Variants in ADA observed in about 807,000 individuals in gnomAD.
ADA encodes the protein adenosine aminohydrolase.
In ADA, 45 loss-of-function variants were observed where a neutral mutation model predicts 49.0. That is an observed-to-expected ratio of 0.92 (90% CI 0.72 to 1.18). ADA has a LOEUF of 1.18. Among genes scored for constraint, ADA ranks in the 50% most tolerant of loss-of-function variants. The pLI is 0.00. For synonymous variants in ADA, 173 were observed against 184.2 expected (o/e 0.94, Z 0.49); for missense variants, 445 against 472.5 (o/e 0.94, Z 0.54).
rs758363542 is a variant in ADA, at chr20:44,619,822, G to A, written c.*12C>T. ...TGACTCCACAGGGTGAAGGCTTGGA[G>A]GAGTGGCGTCTTCAGAGGTTCTGCC... On this transcript the variant is annotated 3_prime_UTR_variant, in exon 12 of 12. Coordinates refer to ENST00000372874, the MANE Select transcript of ADA (RefSeq NM_000022.4). 1.2e-6 allele frequency: 2 copies of A among 1,614,190 alleles called. No individual in the cohort carries two copies. The highest frequency in any genetic ancestry group is 1.7e-6 in the Non-Finnish European group (2 of 1,180,020).
chr20:44,632,276 C>A (rs1236982181), intron 2 of ADA, among the ~76,000 whole-genome samples: 2 of 152,160 alleles, frequency 1.3e-5, no homozygotes, highest in Non-Finnish European at 2.9e-5. Flanking sequence ...AGAGAGCAGG[C>A]ATTTGTGCAG....
At chr20:44,635,321 G>A (rs746139920) in intron 2 of ADA, among the ~76,000 whole-genome samples, 5 of 152,144 alleles carry the variant, frequency 3.3e-5, no homozygotes, top group Admixed American at 1.3e-4. Flanking sequence ...CCACTTTTCC[G>A]TGACTCCTAG....
chr20:44,644,602 G>A (rs1038205325), intron 1 of ADA, among the ~76,000 whole-genome samples: 5 of 152,234 alleles, frequency 3.3e-5, no homozygotes, highest in South Asian at 2.1e-4. Flanking sequence ...TGCTTTTGGT[G>A]ATGAGCTGGG....
intron 2 of ADA, among the ~76,000 whole-genome samples, chr20:44,630,367 A>AGAAATGCT (rs2065422817): frequency 6.6e-6 from 1 of 152,020 alleles, no homozygotes; most frequent in Non-Finnish European, 1.5e-5. Flanking sequence ...GAAAAAAAAA[A>AGAAATGCT]GAAATGCTTC....
At chr20:44,650,326 C>T (rs2065632454) in intron 1 of ADA, among the ~76,000 whole-genome samples, 2 of 152,246 alleles carry the variant, frequency 1.3e-5, no homozygotes, top group South Asian at 2.1e-4. Context: ...GTGGGCTCTC[C>T]ACAGCCTGTC....
rs78729933 is a variant in ADA, at chr20:44,623,533, T to C, written c.607-455A>G. ...GTCGGCTCCAACTCAGTCATCCCAA[T>C]AGAAGAAACAGAGGCCCAGAGAAGA... On this transcript the variant is annotated intron_variant, in intron 6 of 11. Coordinates refer to ENST00000372874, the MANE Select transcript of ADA (RefSeq NM_000022.4). 2.2e-3 allele frequency among the ~76,000 whole-genome samples: 334 copies of C among 152,252 alleles called. 1 individual carries two copies. The highest frequency in any genetic ancestry group is 7.5e-3 in the African/African-American group (313 of 41,556).
chr20:44,638,558 CAA>C (rs928538134), intron 1 of ADA, among the ~76,000 whole-genome samples: 2 of 152,140 alleles, frequency 1.3e-5, no homozygotes, highest in Non-Finnish European at 1.5e-5. Flanking sequence ...GCCTGGGCGA[CAA>C]GAGCGAAACT....
chr20:44,636,320 A>T (rs1288798243), intron 1 of ADA, 32 bp from the exon 2 acceptor site: 1 of 1,538,566 alleles, frequency 6.5e-7, no homozygotes, highest in East Asian at 2.3e-5. Context: ...AGAGAGAGAA[A>T]GGGAGAGAGA....
chr20:44,620,733 G>A (rs1600916086), intron 10 of ADA: 1 of 563,972 alleles, frequency 1.8e-6, no homozygotes, highest in East Asian at 3.2e-5. Flanking sequence ...AAGAGAGTGT[G>A]CAAGACTTCA....
chr20:44,647,224 C>T (rs1361630085), intron 1 of ADA, among the ~76,000 whole-genome samples: 3 of 151,948 alleles, frequency 2.0e-5, no homozygotes. Flanking sequence ...CACCTGAAGT[C>T]GGGAGTTCGA....
chr20:44,638,962 C>T (rs749797046), intron 1 of ADA, among the ~76,000 whole-genome samples: 10 of 151,936 alleles, frequency 6.6e-5, no homozygotes, highest in Admixed American at 3.3e-4. Flanking sequence ...CAGGAGAAAA[C>T]GGGGTATATG....
intron 9 of ADA, 151 bp from the exon 10 acceptor site, chr20:44,621,298 G>A: frequency 9.4e-7 from 1 of 1,062,636 alleles, no homozygotes; most frequent in Non-Finnish European, 1.4e-6. Context: ...AATAAATTCA[G>A]AACTTAGGTG....
At chr20:44,634,391 G>A (rs184890326) in intron 2 of ADA, among the ~76,000 whole-genome samples, 3 of 152,288 alleles carry the variant, frequency 2.0e-5, no homozygotes, top group Admixed American at 2.0e-4. Context: ...AGCATTTTAC[G>A]GGCGTCACTT....
intron 9 of ADA, 141 bp downstream of exon 9, chr20:44,622,447 C>T (rs553042827): frequency 2.2e-5 from 22 of 1,016,056 alleles, no homozygotes; most frequent in East Asian, 7.8e-5. Flanking sequence ...AAGATGAGGA[C>T]GGCAATGCCT....
At chr20:44,644,448 C>A (rs2065569716) in intron 1 of ADA, among the ~76,000 whole-genome samples, 1 of 152,148 alleles carries the variant, frequency 6.6e-6, no homozygotes, top group Non-Finnish European at 1.5e-5. Flanking sequence ...GGCTGACCTG[C>A]CCCCATGGGA....
At chr20:44,626,381 G>T in intron 4 of ADA, 75 bp downstream of exon 4, 1 of 1,604,344 alleles carries the variant, frequency 6.2e-7, no homozygotes, top group Non-Finnish European at 8.5e-7. Flanking sequence ...ATTCCCAGCA[G>T]TTCGCCCTTC....
chr20:44,625,547 G>A, intron 5 of ADA, 22 bp downstream of exon 5: 1 of 1,557,688 alleles, frequency 6.4e-7, no homozygotes, highest in Non-Finnish European at 8.7e-7. Flanking sequence ...GCGGCCCTGG[G>A]CAGGGCGGTG....
chr20:44,651,061 C>T (rs144452230), intron 1 of ADA, among the ~76,000 whole-genome samples: 2 of 152,310 alleles, frequency 1.3e-5, no homozygotes, highest in Non-Finnish European at 2.9e-5. Flanking sequence ...TGCTCTGCTC[C>T]CCTCCCTCCC....
At chr20:44,620,433 A>G (rs2065318555) in intron 10 of ADA, 32 bp from the exon 11 acceptor site, 1 of 1,576,912 alleles carries the variant, frequency 6.3e-7, no homozygotes, top group Middle Eastern at 1.7e-4. Flanking sequence ...ACAACATGGA[A>G]CCAGAGAACA....
Sources: gnomAD v4.1 joint callset for allele counts (sites outside exome capture counted in the v4.1 genomes callset) on GRCh38, gnomAD v4.1.1 for gene constraint, MANE v1.5 for transcripts, NCBI Gene and HGNC (gene_info 2026-07-23, HGNC 2026-07-21) for gene names.